The following KCNMA1 variants were observed in gnomAD, a reference collection of about 807,000 sequenced individuals.
KCNMA1 encodes the protein Calcium-activated potassium channel subunit alpha-1.
In KCNMA1, 29 loss-of-function variants were observed where a neutral mutation model predicts 140.0. That is an observed-to-expected ratio of 0.21 (90% confidence interval 0.15 to 0.28). KCNMA1 has a LOEUF of 0.28. Ranked by LOEUF, KCNMA1 falls within the 10% of genes least tolerant of loss-of-function variation. The pLI is 1.00. For synonymous variants in KCNMA1, 612 were observed against 611.9 expected (o/e 1.00, Z 0.00); for missense variants, 880 against 1,602.2 (o/e 0.55, Z 7.70).
At chr10:77,001,780 T>C (rs1240529211) in intron 18 of KCNMA1, among the ~76,000 whole-genome samples, 200 bp from the exon 19 acceptor site, 1 of 152,186 alleles carries the variant, frequency 6.6e-6, no homozygotes. Context: ...AAAATATAAA[T>C]TGCCTTTATC....
chr10:77,015,544 T>C (rs897572659), intron 17 of KCNMA1, among the ~76,000 whole-genome samples: 1 of 152,122 alleles, frequency 6.6e-6, no homozygotes, highest in African/African-American at 2.4e-5. Flanking sequence ...ATTTACATAT[T>C]CATCTCCAAT....
At chr10:76,948,349 T>A (rs915838408) in intron 22 of KCNMA1, among the ~76,000 whole-genome samples, 1 of 152,190 alleles carries the variant, frequency 6.6e-6, no homozygotes, top group Admixed American at 6.5e-5. Flanking sequence ...AGAAAAATAT[T>A]TGGAGGATAA....
chr10:77,380,931 T>A (rs1248259128), intron 2 of KCNMA1, among the ~76,000 whole-genome samples: 1 of 152,236 alleles, frequency 6.6e-6, no homozygotes, highest in African/African-American at 2.4e-5. Flanking sequence ...TCCAAACTTA[T>A]GACCTCTTTC....
intron 1 of KCNMA1, among the ~76,000 whole-genome samples, chr10:77,561,763 C>G (rs1383857493): frequency 6.6e-6 from 1 of 152,132 alleles, no homozygotes; most frequent in East Asian, 1.9e-4. Flanking sequence ...AGGGGAAACC[C>G]AGAGGGTTTC....
chr10:77,524,984 C>T (rs2055020629), intron 1 of KCNMA1, among the ~76,000 whole-genome samples: 1 of 152,184 alleles, frequency 6.6e-6, no homozygotes. Context: ...TGCCTGACCC[C>T]CTAACCCAGT....
At chr10:77,274,623 C>A (rs1214517793) in intron 2 of KCNMA1, among the ~76,000 whole-genome samples, 1 of 152,160 alleles carries the variant, frequency 6.6e-6, no homozygotes, top group Non-Finnish European at 1.5e-5. Context: ...TTCATCCCAG[C>A]AAAGGCAACT....
At chr10:77,506,348 G>A (rs2154546643) in intron 1 of KCNMA1, among the ~76,000 whole-genome samples, 1 of 152,222 alleles carries the variant, frequency 6.6e-6, no homozygotes, top group East Asian at 1.9e-4. Flanking sequence ...TCTGGGTATG[G>A]TTAGAGCTCC....
intron 19 of KCNMA1, among the ~76,000 whole-genome samples, chr10:76,987,187 AT>A (rs1161362109): frequency 6.6e-6 from 1 of 152,152 alleles, no homozygotes; most frequent in Non-Finnish European, 1.5e-5. Context: ...CATTTATTGA[AT>A]TCACACTGTG....
rs117028384 is a variant in KCNMA1, at chr10:77,162,867, T to C, written c.808+20554A>G. Reference sequence around the variant, plus strand: ...CCAATTAATTTTAGAGTGCATAGCATACATCAATTAAACAGACTGCGGGGT... The same window carrying C: ...CCAATTAATTTTAGAGTGCATAGCACACATCAATTAAACAGACTGCGGGGT... On this transcript the variant is annotated intron_variant, in intron 5 of 27. Coordinates refer to ENST00000286628, the MANE Select transcript of KCNMA1 (RefSeq NM_001161352.2). Among the ~76,000 whole-genome samples, 6 of 152,348 alleles carry C rather than the reference T, an allele frequency of 3.9e-5. No homozygotes were observed. In the East Asian group the frequency reaches 9.6e-4, roughly 24 times the overall value.
At chr10:77,158,255 T>A (rs1362986988) in intron 5 of KCNMA1, among the ~76,000 whole-genome samples, 1 of 152,214 alleles carries the variant, frequency 6.6e-6, no homozygotes, top group African/African-American at 2.4e-5. Flanking sequence ...AGAAAAATAA[T>A]GACCTAGTCA....
At chr10:77,249,941 T>G (rs927304496) in intron 3 of KCNMA1, 1 of 152,168 alleles carries the variant, frequency 6.6e-6, no homozygotes, top group African/African-American at 2.4e-5. Context: ...CAGCCTCGCA[T>G]GTGGGGTGGG....
intron 1 of KCNMA1, among the ~76,000 whole-genome samples, chr10:77,601,664 A>G (rs1220921240): frequency 6.6e-6 from 1 of 152,172 alleles, no homozygotes; most frequent in Non-Finnish European, 1.5e-5. Flanking sequence ...CCACAGTCCA[A>G]TCCCAATGGT....
At chr10:76,875,167 G>A (rs538849360), downstream of KCNMA1, 19 of 152,232 alleles carry the variant, frequency 1.2e-4, no homozygotes, top group African/African-American at 4.6e-4. Flanking sequence ...TTTCCATTTC[G>A]TTTCTACTTA....
intron 1 of KCNMA1, among the ~76,000 whole-genome samples, chr10:77,571,837 G>A (rs1390378250): frequency 6.6e-6 from 1 of 152,210 alleles, no homozygotes; most frequent in Non-Finnish European, 1.5e-5. Flanking sequence ...TTTAAAGCTA[G>A]ATACACCTTT....
Position 77,073,102 on chromosome 10 carries a change from T to G in KCNMA1, c.1744A>C (p.Ile582Leu). Residue 582 changes from isoleucine to leucine, a missense_variant, in exon 14 of 28, where the codon ATA becomes CTA. Around this residue, in one of 13 missense-constraint regions of KCNMA1, gnomAD observed 198 missense variants for 580.1 expected, o/e 0.34. Coordinates refer to ENST00000286628, the MANE Select transcript of KCNMA1 (RefSeq NM_001161352.2). ...LANLFSMRSF[I>L]KIEEDTWQKY... ...CTAATAAGACGAGACGTTACCTTTATGAATGACCTCATGGAGAAGAGGTTG... is the reference window on the plus strand; with the variant it reads ...CTAATAAGACGAGACGTTACCTTTAGGAATGACCTCATGGAGAAGAGGTTG... 6.2e-7 allele frequency: 1 copy of G among 1,614,130 alleles called. No individual in the cohort carries two copies. The highest frequency in any genetic ancestry group is 8.5e-7 in the Non-Finnish European group (1 of 1,179,972).
chr10:77,523,387 T>C (rs1236319113), intron 1 of KCNMA1, among the ~76,000 whole-genome samples: 1 of 152,240 alleles, frequency 6.6e-6, no homozygotes. Context: ...TTTCATGTGT[T>C]GGGTTTGCTT....
At chr10:76,983,984 T>C (rs891628075) in intron 19 of KCNMA1, among the ~76,000 whole-genome samples, 3 of 152,192 alleles carry the variant, frequency 2.0e-5, no homozygotes, top group Non-Finnish European at 4.4e-5. Flanking sequence ...TTTTTAAAAA[T>C]AGTTTTGCTT....
At chr10:77,373,441 T>C (rs1306746369) in intron 2 of KCNMA1, among the ~76,000 whole-genome samples, 1 of 152,164 alleles carries the variant, frequency 6.6e-6, no homozygotes, top group Non-Finnish European at 1.5e-5. Context: ...TTAAAAAGAA[T>C]AATTTCCTCA....
chr10:76,999,019 A>C (rs1219890947), intron 19 of KCNMA1, among the ~76,000 whole-genome samples: 1 of 152,214 alleles, frequency 6.6e-6, no homozygotes. Context: ...TGTCAATACC[A>C]GTTAAGGCTT....
Sources: allele counts gnomAD v4.1 joint callset (sites outside exome capture counted in the v4.1 genomes callset), GRCh38; gene constraint gnomAD v4.1.1; regional missense constraint gnomAD v4.1.1; transcripts MANE v1.5; gene names NCBI Gene and HGNC (gene_info 2026-07-23, HGNC 2026-07-21).